The following DGKB variants were observed in gnomAD, a reference collection of about 807,000 sequenced individuals.
DGKB encodes diacylglycerol kinase beta, also known as 90 kDa diacylglycerol kinase.
DGKB carries 67 observed loss-of-function variants against 114.3 expected under a neutral mutation model. The ratio of observed to expected loss-of-function variants is 0.59; its 90% CI spans 0.48 to 0.72. DGKB has a LOEUF of 0.72. DGKB is among the 30% of genes least tolerant of loss of function. The pLI is 0.00. For missense variants in DGKB, 907 were observed against 975.2 expected, an observed-to-expected ratio of 0.93 and a Z score of 0.93; for synonymous variants, 398 against 323.1, an observed-to-expected ratio of 1.23 and a Z score of -2.49.
At chr7:14,407,579 A>T (rs1824150957) in intron 21 of DGKB, among the ~76,000 whole-genome samples, 1 of 152,126 alleles carries the variant, frequency 6.6e-6, no homozygotes, top group Non-Finnish European at 1.5e-5. Context: ...AAGCAAATTA[A>T]AACCTCAACT....
intron 1 of DGKB, among the ~76,000 whole-genome samples, chr7:14,920,447 T>C (rs1219123988): frequency 6.6e-6 from 1 of 152,286 alleles, no homozygotes; most frequent in East Asian, 1.9e-4. Flanking sequence ...AACAATAAGG[T>C]GCCATGATAT....
intron 21 of DGKB, among the ~76,000 whole-genome samples, chr7:14,372,345 T>G (rs867429791): frequency 2.0e-5 from 3 of 152,208 alleles, no homozygotes; most frequent in Non-Finnish European, 2.9e-5. Context: ...CTTTATGTAC[T>G]ATCCTGCTAC....
rs530595835 is a variant in DGKB at position 14,630,252 on chromosome 7, C to A, written c.1151G>T (p.Gly384Val). The A allele has an allele frequency of 5.5e-5, 86 of 1,559,614 alleles. No homozygotes were observed. In the East Asian group the frequency reaches 1.8e-3, roughly 33 times the overall value. The change falls in exon 14 of 26, where the codon GGA (glycine) becomes GTA (valine). Residue 384 changes from glycine to valine, a missense_variant. By Grantham distance (109) the Gly-to-Val change is moderately radical (BLOSUM62 -3). This residue lies in a region of DGKB where 814 missense variants were observed against 856.6 expected (regional missense o/e 0.95). Transcript: ENST00000402815. The stretch of plus-strand genomic sequence containing the variant: ...CTTACGCACCTCAGGAACTGAAACT[C>A]CTGAAGTGGGCAGAGTCTGCTGAAA... ...CPVVLTLPTS[G>V]VSVPEERQST...
At chr7:14,544,844 C>T (rs964027660) in intron 20 of DGKB, among the ~76,000 whole-genome samples, 1 of 151,890 alleles carries the variant, frequency 6.6e-6, no homozygotes, top group East Asian at 1.9e-4. Flanking sequence ...TTTCCAGGCC[C>T]ATCACACTGT....
rs751416440 is a variant in DGKB at position 14,574,380 on chromosome 7, G to A, written c.1610-8C>T. 4.5e-6 allele frequency: 7 copies of A among 1,564,828 alleles called. No individual in the cohort carries two copies. The highest frequency in any genetic ancestry group is 1.9e-5 in the Admixed American group (1 of 53,258). ...GATTCTCACCTTCGTAACCTAGTGGGAAAAAAAAATACCTTGAGAAAAGAA... is the reference window on the plus strand; with the variant it reads ...GATTCTCACCTTCGTAACCTAGTGGAAAAAAAAAATACCTTGAGAAAAGAA... On this transcript the variant is annotated splice_polypyrimidine_tract_variant and splice_region_variant and intron_variant, in intron 19 of 25. Coordinates refer to ENST00000402815, the MANE Select transcript of DGKB (RefSeq NM_001350709.2).
chr7:14,648,722 A>G (rs1376396251), intron 13 of DGKB, among the ~76,000 whole-genome samples: 1 of 150,146 alleles, frequency 6.7e-6, no homozygotes, highest in African/African-American at 2.4e-5. Context: ...ATTCTAACCA[A>G]AGGCAAAGAA....
At chr7:14,334,011 C>A (rs759744379) in intron 23 of DGKB, among the ~76,000 whole-genome samples, 2 of 152,068 alleles carry the variant, frequency 1.3e-5, no homozygotes, top group Non-Finnish European at 2.9e-5. Context: ...TAAGCCAGTA[C>A]AAAATTATTA....
chr7:14,651,102 AT>A (rs1170412949), intron 13 of DGKB, among the ~76,000 whole-genome samples: 1 of 152,120 alleles, frequency 6.6e-6, no homozygotes, highest in Non-Finnish European at 1.5e-5. Flanking sequence ...TTCTGAAACT[AT>A]TCCAATCAAT....
rs1795196620 is a variant in DGKB at position 14,552,178 on chromosome 7, G to A, written c.1770+22034C>T. On this transcript the variant is annotated intron_variant, in intron 20 of 25. Transcript: ENST00000402815. ...GCCACATGCAAGGGAATATGCTTGTGTGTAATGTTTTACCTCCAATATACT... is the reference window on the plus strand; with the variant it reads ...GCCACATGCAAGGGAATATGCTTGTATGTAATGTTTTACCTCCAATATACT... 2.0e-5 allele frequency among the ~76,000 whole-genome samples: 3 copies of A among 152,082 alleles called. No homozygotes were observed. In the South Asian group the frequency reaches 6.2e-4, roughly 32 times the overall value.
At chr7:14,544,231 T>G (rs1793934353) in intron 20 of DGKB, among the ~76,000 whole-genome samples, 1 of 152,174 alleles carries the variant, frequency 6.6e-6, no homozygotes, top group South Asian at 2.1e-4. Flanking sequence ...TTCTCGCTTT[T>G]GTAGGCCTTT....
chr7:14,758,887 A>AGAT (rs1359990365), intron 2 of DGKB, among the ~76,000 whole-genome samples: 1 of 54,922 alleles, frequency 1.8e-5, no homozygotes, highest in Non-Finnish European at 3.8e-5. Flanking sequence ...GTGAAACAAT[A>AGAT]GATAGATAGA....
At chr7:14,654,449 A>G (rs1815345807) in intron 13 of DGKB, among the ~76,000 whole-genome samples, 1 of 152,082 alleles carries the variant, frequency 6.6e-6, no homozygotes, top group Non-Finnish European at 1.5e-5. Flanking sequence ...TATTGTCAAA[A>G]TGACCATACA....
chr7:14,244,478 A>C (rs1479455873), intron 23 of DGKB, among the ~76,000 whole-genome samples: 1 of 149,986 alleles, frequency 6.7e-6, no homozygotes, highest in Admixed American at 6.7e-5. Flanking sequence ...AACACGGTGA[A>C]ACCCCGTCTC....
intron 6 of DGKB, among the ~76,000 whole-genome samples, chr7:14,714,764 A>AT (rs1827925133): frequency 6.6e-6 from 1 of 152,180 alleles, no homozygotes; most frequent in African/African-American, 2.4e-5. Context: ...GCCACTCAGT[A>AT]TAGTATAGGA....
intron 17 of DGKB, among the ~76,000 whole-genome samples, chr7:14,597,998 C>A (rs1802885303): frequency 6.6e-6 from 1 of 152,114 alleles, no homozygotes; most frequent in East Asian, 1.9e-4. Context: ...ACGTTTTTGC[C>A]ATGATGGCAT....
chr7:14,401,428 C>T (rs1234678747), intron 21 of DGKB, among the ~76,000 whole-genome samples: 1 of 151,870 alleles, frequency 6.6e-6, no homozygotes. Context: ...TAAGCCAGTG[C>T]ACTGCTTGGC....
intron 5 of DGKB, among the ~76,000 whole-genome samples, chr7:14,724,187 T>G (rs1258710697): frequency 6.6e-6 from 1 of 152,190 alleles, no homozygotes; most frequent in Non-Finnish European, 1.5e-5. Context: ...CGTATCAGAT[T>G]TATTTATCAC....
chr7:14,665,408 G>C (rs188829270), intron 13 of DGKB, among the ~76,000 whole-genome samples: 352 of 151,952 alleles, frequency 2.3e-3, no homozygotes, highest in African/African-American at 7.5e-3. Flanking sequence ...GGAAAAATAA[G>C]TAATGCATAG....
intron 1 of DGKB, among the ~76,000 whole-genome samples, chr7:14,851,931 T>G (rs1361832651): frequency 6.6e-6 from 1 of 152,140 alleles, no homozygotes; most frequent in African/African-American, 2.4e-5. Flanking sequence ...AGCCCCATTC[T>G]CCAACCTTGA....
Sources: gnomAD v4.1 joint callset for allele counts (sites outside exome capture counted in the v4.1 genomes callset) on GRCh38, gnomAD v4.1.1 for gene constraint, gnomAD v4.1.1 regional missense constraint, MANE v1.5 for transcripts, NCBI Gene and HGNC (gene_info 2026-07-23, HGNC 2026-07-21) for gene names.